The following HECW1 variants were observed in gnomAD, a reference collection of about 807,000 sequenced individuals.
HECW1 encodes HECT, C2 and WW domain containing E3 ubiquitin protein ligase 1, also known as E3 ubiquitin-protein ligase HECW1.
In HECW1, 61 loss-of-function variants were observed where a neutral mutation model predicts 182.3. The ratio of observed to expected loss-of-function variants is 0.33; its 90% CI spans 0.27 to 0.41. The LOEUF (loss-of-function observed/expected upper bound fraction) is 0.41, where lower values mean the gene tolerates loss of function less well. Among genes scored for constraint, HECW1 ranks in the 10% least tolerant of loss-of-function variants. The pLI, the probability that HECW1 is intolerant of heterozygous loss-of-function variation, is 1.00. For synonymous variants in HECW1, 859 were observed against 832.6 expected (o/e 1.03, Z -0.55); for missense variants, 1,739 against 2,108.9 (o/e 0.82, Z 3.44).
chr7:43,496,925 T>C lies in HECW1; in HGVS notation c.3437+3745T>C, dbSNP rs550946366. On this transcript the variant is annotated intron_variant, in intron 19 of 29. Transcript: ENST00000395891. ...CTGAATCAGGATTGTCCCAGGGCTA[T>C]GTATGCAGTAGCAAGCGAAACAGAC... Among the ~76,000 whole-genome samples, 11 of 152,340 alleles carry C rather than the reference T, an allele frequency of 7.2e-5. No homozygotes were observed. The South Asian group carries it at 2.1e-3, about 29-fold the overall frequency.
intron 17 of HECW1, among the ~76,000 whole-genome samples, chr7:43,489,831 G>T (rs1296973087): frequency 6.6e-6 from 1 of 152,198 alleles, no homozygotes; most frequent in Non-Finnish European, 1.5e-5. Context: ...TAAGTAATTT[G>T]CCCTACATTA....
At chr7:43,460,661 CA>C (rs2077553037) in intron 13 of HECW1, among the ~76,000 whole-genome samples, 1 of 151,900 alleles carries the variant, frequency 6.6e-6, no homozygotes, top group African/African-American at 2.4e-5. Context: ...CCTTTTGCTA[CA>C]AAAAAATGGA....
chr7:43,340,929 A>C (rs1049794733), intron 5 of HECW1, among the ~76,000 whole-genome samples: 2 of 151,844 alleles, frequency 1.3e-5, no homozygotes, highest in Non-Finnish European at 2.9e-5. Flanking sequence ...TCAATGATAG[A>C]GTGGATTAAG....
At chr7:43,247,346 C>T (rs1431568463) in intron 3 of HECW1, among the ~76,000 whole-genome samples, 9 of 152,212 alleles carry the variant, frequency 5.9e-5, no homozygotes, top group Admixed American at 3.9e-4. Context: ...AACAACTTCT[C>T]ATGTCGAAAG....
intron 5 of HECW1, among the ~76,000 whole-genome samples, chr7:43,345,007 G>A (rs760430043): frequency 2.6e-5 from 4 of 152,052 alleles, no homozygotes; most frequent in Non-Finnish European, 5.9e-5. Context: ...TTGTATAAGG[G>A]TTTATAGTCT....
At chr7:43,250,504 C>T (rs1799914575) in intron 3 of HECW1, among the ~76,000 whole-genome samples, 1 of 152,082 alleles carries the variant, frequency 6.6e-6, no homozygotes, top group South Asian at 2.1e-4. Context: ...AATGAAGAAC[C>T]CACACAAGTG....
intron 16 of HECW1, among the ~76,000 whole-genome samples, chr7:43,477,041 T>C (rs2078242636): frequency 6.6e-6 from 1 of 152,088 alleles, no homozygotes; most frequent in Non-Finnish European, 1.5e-5. Context: ...GGAACAGACA[T>C]CGCAGGCAAC....
chr7:43,535,694 G>A (rs949389162), intron 24 of HECW1, among the ~76,000 whole-genome samples: 2 of 152,198 alleles, frequency 1.3e-5, no homozygotes, highest in East Asian at 1.9e-4. Context: ...GAGGGTGTCC[G>A]TACTGTACCG....
chr7:43,113,763 A>T (rs546282104), intron 1 of HECW1: 1 of 226,120 alleles, frequency 4.4e-6, no homozygotes, highest in South Asian at 1.8e-4. Context: ...GCAAAATCCG[A>T]GGGCTCAAAC....
chr7:43,298,289 G>A (rs915505923), intron 3 of HECW1, among the ~76,000 whole-genome samples: 6 of 152,146 alleles, frequency 3.9e-5, no homozygotes, highest in African/African-American at 1.4e-4. Context: ...AAATTTTCAC[G>A]CGAATAAGTC....
chr7:43,264,096 G>C (rs575299791), intron 3 of HECW1, among the ~76,000 whole-genome samples: 1 of 152,256 alleles, frequency 6.6e-6, no homozygotes. Flanking sequence ...TTTGTGGTGA[G>C]AACATTTAAA....
chr7:43,507,019 G>A (rs1393481963), intron 21 of HECW1, 118 bp from the exon 22 acceptor site: 21 of 1,264,664 alleles, frequency 1.7e-5, no homozygotes, highest in African/African-American at 6.1e-5. Flanking sequence ...GCGGTAAGCC[G>A]AGAGCACACC....
At chr7:43,193,677 C>T (rs1232482562) in intron 2 of HECW1, among the ~76,000 whole-genome samples, 2 of 152,134 alleles carry the variant, frequency 1.3e-5, no homozygotes, top group African/African-American at 2.4e-5. Context: ...CCACCACACC[C>T]GGCCACTTGA....
At chr7:43,506,235 A>G (rs1375988324) in intron 21 of HECW1, among the ~76,000 whole-genome samples, 1 of 152,348 alleles carries the variant, frequency 6.6e-6, no homozygotes, top group East Asian at 1.9e-4. Flanking sequence ...ATATCAATAC[A>G]GGAACATGAT....
intron 2 of HECW1, among the ~76,000 whole-genome samples, chr7:43,129,553 A>T (rs1438026426): frequency 6.6e-6 from 1 of 152,136 alleles, no homozygotes; most frequent in Non-Finnish European, 1.5e-5. Flanking sequence ...TGAGATAGTC[A>T]CTTTATTGCA....
intron 21 of HECW1, among the ~76,000 whole-genome samples, chr7:43,505,441 A>G (rs553976840): frequency 1.3e-5 from 2 of 152,290 alleles, no homozygotes; most frequent in African/African-American, 4.8e-5. Context: ...GAATGTTTTT[A>G]TGATTCAAGT....
intron 4 of HECW1, among the ~76,000 whole-genome samples, chr7:43,320,208 G>T (rs1237814283): frequency 6.6e-6 from 1 of 152,206 alleles, no homozygotes; most frequent in Non-Finnish European, 1.5e-5. Flanking sequence ...AGTGGAGTCC[G>T]TGAGAACTAG....
intron 3 of HECW1, among the ~76,000 whole-genome samples, chr7:43,265,370 T>A (rs1252220449): frequency 6.6e-6 from 1 of 152,194 alleles, no homozygotes; most frequent in Non-Finnish European, 1.5e-5. Flanking sequence ...GGCCAGGAAG[T>A]GTCATCCTGC....
intron 3 of HECW1, among the ~76,000 whole-genome samples, chr7:43,283,639 T>C (rs902753549): frequency 2.0e-5 from 3 of 152,166 alleles, no homozygotes; most frequent in African/African-American, 7.2e-5. Context: ...TGGTCAGTCC[T>C]GAAACCAAAA....
Sources: allele counts gnomAD v4.1 joint callset (sites outside exome capture counted in the v4.1 genomes callset), GRCh38; gene constraint gnomAD v4.1.1; transcripts MANE v1.5; gene names NCBI Gene and HGNC (gene_info 2026-07-23, HGNC 2026-07-21).